Variants in CMIP observed in about 807,000 individuals in gnomAD.
CMIP encodes c-Maf inducing protein, also known as C-Maf-inducing protein.
CMIP carries 13 observed loss-of-function variants against 97.3 expected under a neutral mutation model. That is an observed-to-expected ratio of 0.13 (90% CI 0.09 to 0.21). The LOEUF is 0.21. CMIP is among the 10% of genes least tolerant of loss of function. The probability of loss-of-function intolerance (pLI) is 1.00; values close to 1 mark genes in which losing one functional copy is unlikely to be tolerated. For synonymous variants in CMIP, 538 were observed against 436.3 expected, an observed-to-expected ratio of 1.23 and a Z score of -2.91; for missense variants, 847 against 1,024.9, an observed-to-expected ratio of 0.83 and a Z score of 2.37.
intron 1 of CMIP, among the ~76,000 whole-genome samples, chr16:81,587,388 C>T (rs983473718): frequency 2.6e-5 from 4 of 152,304 alleles, no homozygotes; most frequent in Non-Finnish European, 4.4e-5. Context: ...ATCGATGAGG[C>T]GGTCAGTCTG....
At chr16:81,582,056 G>C (rs927105245) in intron 1 of CMIP, among the ~76,000 whole-genome samples, 1 of 152,138 alleles carries the variant, frequency 6.6e-6, no homozygotes, top group African/African-American at 2.4e-5. Context: ...GAAGAGAGCT[G>C]GCGGGGAGAG....
chr16:81,490,182 T>C (rs927624503), intron 1 of CMIP, among the ~76,000 whole-genome samples: 2 of 152,222 alleles, frequency 1.3e-5, no homozygotes, highest in Non-Finnish European at 2.9e-5. Flanking sequence ...GAGTCATCAC[T>C]ACCAGTTAGT....
At position 81,711,587 on chromosome 16, in the gene CMIP, AAAAT is replaced by A. The variant is rs1908781476; in HGVS notation, c.*1796_*1799del. 2 of 134,904 alleles carry A rather than the reference AAAAT, an allele frequency of 1.5e-5. No homozygotes were observed. The highest frequency in any genetic ancestry group is 2.4e-4 in the South Asian group (1 of 4,226). The allele number at this position is 134,904 out of a possible 1,614,324, so 8.4% of individuals were successfully genotyped here. On this transcript the variant is annotated 3_prime_UTR_variant, in exon 21 of 21. Transcript: ENST00000537098. ...CAGAAGCAAAAAAAATAAAAATAAA[AAAAT>A]AAATAAAAATAAAAAAAATAAAAAA...
chr16:81,581,742 G>A (rs956793117), intron 1 of CMIP, among the ~76,000 whole-genome samples: 1 of 152,142 alleles, frequency 6.6e-6, no homozygotes, highest in African/African-American at 2.4e-5. Flanking sequence ...CGAGGCACAG[G>A]GCAAGGGAAC....
intron 1 of CMIP, among the ~76,000 whole-genome samples, chr16:81,574,689 A>G (rs965294264): frequency 1.3e-5 from 2 of 152,094 alleles, no homozygotes; most frequent in East Asian, 3.9e-4. Context: ...AGTAGGTTTG[A>G]TGTCCCGGAT....
At chr16:81,519,080 G>A (rs1029544136) in intron 1 of CMIP, 3 of 152,198 alleles carry the variant, frequency 2.0e-5, no homozygotes, top group Admixed American at 6.5e-5. Context: ...TGATCCACCT[G>A]CCTTGGCCTC....
intron 1 of CMIP, among the ~76,000 whole-genome samples, chr16:81,500,309 C>CCTT (rs1171863176): frequency 0.032 from 668 of 20,716 alleles, 4 homozygotes; most frequent in Non-Finnish European, 0.036. Context: ...CTTCCTGCCT[C>CCTT]CCTCCCTCCC....
At chr16:81,632,747 G>A (rs966781426) in intron 3 of CMIP, among the ~76,000 whole-genome samples, 1 of 152,212 alleles carries the variant, frequency 6.6e-6, no homozygotes, top group African/African-American at 2.4e-5. Context: ...GCTGGGAGGT[G>A]GAGGTCCTAG....
chr16:81,529,156 G>T (rs1443625950), intron 1 of CMIP, among the ~76,000 whole-genome samples: 1 of 152,214 alleles, frequency 6.6e-6, no homozygotes, highest in African/African-American at 2.4e-5. Context: ...CGGATATAAG[G>T]GGGGAAGAAG....
chr16:81,653,699 G>A (rs1389494336), intron 4 of CMIP, among the ~76,000 whole-genome samples: 2 of 152,168 alleles, frequency 1.3e-5, no homozygotes, highest in Non-Finnish European at 2.9e-5. Context: ...TGCAACCTCC[G>A]CCTCCTGGGT....
chr16:81,478,391 G>A (rs1386667433), intron 1 of CMIP, among the ~76,000 whole-genome samples: 1 of 152,180 alleles, frequency 6.6e-6, no homozygotes, highest in Non-Finnish European at 1.5e-5. Flanking sequence ...CCGAGATTTT[G>A]GCGTCCTGTA....
chr16:81,660,993 C>G, intron 6 of CMIP, 47 bp downstream of exon 6: 1 of 1,610,522 alleles, frequency 6.2e-7, no homozygotes, highest in Non-Finnish European at 8.5e-7. Flanking sequence ...AGTAACCTCC[C>G]TCTGTGCGCA....
At chr16:81,601,360 G>T (rs1459537276) in intron 1 of CMIP, among the ~76,000 whole-genome samples, 2 of 152,176 alleles carry the variant, frequency 1.3e-5, no homozygotes, top group Non-Finnish European at 2.9e-5. Context: ...CAAAGGCAAG[G>T]GAAGGCGAAG....
At chr16:81,604,954 C>T (rs538339541) in intron 1 of CMIP, among the ~76,000 whole-genome samples, 1 of 152,278 alleles carries the variant, frequency 6.6e-6, no homozygotes, top group African/African-American at 2.4e-5. Flanking sequence ...AAATGTCAGA[C>T]GCCATTTAGG....
intron 1 of CMIP, among the ~76,000 whole-genome samples, chr16:81,510,338 G>A (rs2089787330): frequency 6.6e-6 from 1 of 152,118 alleles, no homozygotes; most frequent in Non-Finnish European, 1.5e-5. Flanking sequence ...CTTCATCACT[G>A]ATGTTTTTGC....
chr16:81,539,074 T>C (rs2090399818), intron 1 of CMIP, among the ~76,000 whole-genome samples: 3 of 152,194 alleles, frequency 2.0e-5, no homozygotes, highest in Admixed American at 1.3e-4. Flanking sequence ...CCGATTACCC[T>C]GAATTCAGGC....
chr16:81,496,380 T>G (rs2089491322), intron 1 of CMIP, among the ~76,000 whole-genome samples: 1 of 152,160 alleles, frequency 6.6e-6, no homozygotes, highest in Non-Finnish European at 1.5e-5. Context: ...AACAAGGAAG[T>G]AAGTGAAACC....
In CMIP at chr16:81,621,010, A is replaced by G; in HGVS notation, c.477+84A>G. 6.4e-7 allele frequency: 1 copy of G among 1,555,230 alleles called. No individual in the cohort carries two copies. Among genetic ancestry groups the G allele is most frequent in the Non-Finnish European group, 8.8e-7 (1 of 1,133,140 alleles). On this transcript the variant is annotated intron_variant, in intron 3 of 20. Coordinates refer to ENST00000537098, the MANE Select transcript of CMIP (RefSeq NM_198390.3). The surrounding 1 kb of genome is among the most constrained non-coding windows in gnomAD (Gnocchi z 4.1). ...AGCCAATCTGTCACCCAGAGGCATG[A>G]AAGTGGAGAACTCATGCCTTCCAGA...
intron 1 of CMIP, among the ~76,000 whole-genome samples, chr16:81,493,975 G>A (rs1169938875): frequency 3.3e-5 from 5 of 152,070 alleles, no homozygotes; most frequent in South Asian, 2.1e-4. Flanking sequence ...TTTATTAGCC[G>A]TTTTTTTAAA....
Sources: gnomAD v4.1 joint callset for allele counts (sites outside exome capture counted in the v4.1 genomes callset) on GRCh38, gnomAD v4.1.1 for gene constraint, Gnocchi (gnomAD v3.1) non-coding constraint, MANE v1.5 for transcripts, NCBI Gene and HGNC (gene_info 2026-07-23, HGNC 2026-07-21) for gene names.